Variants in ETFA observed in about 807,000 individuals in gnomAD.
The protein encoded by ETFA is electron transfer flavoprotein subunit alpha, mitochondrial.
A neutral mutation model predicts 46.2 loss-of-function variants in ETFA; 22 were observed. The observed-to-expected ratio is 0.48, with a 90% CI of 0.34 to 0.68. ETFA has a LOEUF of 0.68. Ranked by LOEUF, ETFA falls within the 30% of genes least tolerant of loss-of-function variation. The pLI is 0.01. For synonymous variants in ETFA, 131 were observed against 139.9 expected, an observed-to-expected ratio of 0.94 and a Z score of 0.45; for missense variants, 345 against 401.1, an observed-to-expected ratio of 0.86 and a Z score of 1.19.
chr15:76,292,459 A>T lies in ETFA; in HGVS notation c.323T>A (p.Ile108Asn), dbSNP rs1414148078. 3.1e-6 allele frequency: 5 copies of T among 1,613,646 alleles called. No homozygotes were observed. The highest frequency in any genetic ancestry group is 1.3e-5 in the African/African-American group (1 of 74,924). ...TCCGAAGGCAGATGCTCCAGCACAG[A>T]TGTGTGTGTAATTGAACTGCTTCTG... Reference protein sequence around the residue: ...ATQKQFNYTHICAGASAFGKN... With the variant: ...ATQKQFNYTHNCAGASAFGKN... Residue 108 changes from isoleucine to asparagine, a missense_variant, in exon 4 of 12, where the codon ATC (isoleucine) becomes AAC (asparagine). By Grantham distance (149) the Ile-to-Asn change is moderately radical (BLOSUM62 -3). Coordinates refer to ENST00000557943, the MANE Select transcript of ETFA (RefSeq NM_000126.4).
At chr15:76,267,722 C>T (rs1441955919) in intron 9 of ETFA, among the ~76,000 whole-genome samples, 3 of 152,120 alleles carry the variant, frequency 2.0e-5, no homozygotes, top group African/African-American at 7.2e-5. Flanking sequence ...GCTTTATTAA[C>T]ATTAAAGTTT....
intron 9 of ETFA, among the ~76,000 whole-genome samples, chr15:76,254,572 C>T (rs1352548555): frequency 1.3e-5 from 2 of 152,072 alleles, no homozygotes; most frequent in Non-Finnish European, 2.9e-5. Flanking sequence ...GCCCCAAGAC[C>T]CTTTCAGGGA....
intron 9 of ETFA, among the ~76,000 whole-genome samples, chr15:76,269,191 T>C (rs527915201): frequency 6.6e-6 from 1 of 152,256 alleles, no homozygotes; most frequent in East Asian, 1.9e-4. Flanking sequence ...GAACAAGCAA[T>C]GATAGCTGTG....
chr15:76,216,070 G>A lies in ETFA; in HGVS notation c.*489C>T, dbSNP rs147768164. 102 of 156,798 alleles carry A rather than the reference G, an allele frequency of 6.5e-4. No individual in the cohort carries two copies. Among genetic ancestry groups the A allele is most frequent in the Non-Finnish European group, 1.2e-3 (89 of 71,442 alleles). The allele number at this position is 156,798 out of a possible 1,614,324, so 9.7% of individuals were successfully genotyped here. A position where few individuals can be genotyped will look rare whatever the true frequency, so the allele number is the denominator to read the frequency against. Reference sequence around the variant, plus strand: ...AAGATAATATTCATGCTTTATAGCCGTGCTTTTTTAACTCTGCACTTGCCA... The same window carrying A: ...AAGATAATATTCATGCTTTATAGCCATGCTTTTTTAACTCTGCACTTGCCA... On this transcript the variant is annotated 3_prime_UTR_variant, in exon 12 of 12. Transcript: ENST00000557943.
At chr15:76,249,436 T>TC (rs1555456690) in intron 9 of ETFA, among the ~76,000 whole-genome samples, 20,798 of 45,476 alleles carry the variant, frequency 0.46, 4,374 homozygotes, top group African/African-American at 0.61. Flanking sequence ...TCCATGGTAA[T>TC]TTTTTTTTTT....
chr15:76,302,227 CAGA>C (rs1190457370), intron 1 of ETFA, among the ~76,000 whole-genome samples: 1 of 152,152 alleles, frequency 6.6e-6, no homozygotes, highest in African/African-American at 2.4e-5. Flanking sequence ...ACACAAAAAC[CAGA>C]CGTCTACAGC....
intron 11 of ETFA, among the ~76,000 whole-genome samples, chr15:76,220,229 G>C (rs970207631): frequency 4.6e-5 from 7 of 152,268 alleles, no homozygotes; most frequent in African/African-American, 1.7e-4. Flanking sequence ...ACCATGCCTA[G>C]CTAATTTTTG....
chr15:76,295,014 T>C (rs917195072), intron 2 of ETFA, among the ~76,000 whole-genome samples: 1 of 152,198 alleles, frequency 6.6e-6, no homozygotes, highest in Non-Finnish European at 1.5e-5. Context: ...CTCATCTATA[T>C]TGCAGGCTGG....
chr15:76,261,766 C>T lies in ETFA; in HGVS notation c.816+12646G>A, dbSNP rs186470237. ...GAGGGCTGAATGTGACTTTTTATATCGACAAATGTGTCAACATTTGGAAGA... is the reference window on the plus strand; with the variant it reads ...GAGGGCTGAATGTGACTTTTTATATTGACAAATGTGTCAACATTTGGAAGA... On this transcript the variant is annotated intron_variant, in intron 9 of 11. Coordinates refer to ENST00000557943, the MANE Select transcript of ETFA (RefSeq NM_000126.4). 8.5e-4 allele frequency: 167 copies of T among 196,328 alleles called. 2 individuals are homozygous for T. The highest frequency in any genetic ancestry group is 8.1e-3 in the Middle Eastern group (4 of 496). The allele number at this position is 196,328 out of a possible 1,614,324, so 12.2% of individuals were successfully genotyped here. A position where few individuals can be genotyped will look rare whatever the true frequency, so the allele number is the denominator to read the frequency against.
At chr15:76,222,776 A>C (rs1180347569) in intron 11 of ETFA, among the ~76,000 whole-genome samples, 1 of 152,186 alleles carries the variant, frequency 6.6e-6, no homozygotes, top group Admixed American at 6.5e-5. Context: ...ACATGGTAAC[A>C]AAGAGGAGTC....
At chr15:76,246,372 C>T (rs369627411) in intron 9 of ETFA, among the ~76,000 whole-genome samples, 3 of 152,222 alleles carry the variant, frequency 2.0e-5, no homozygotes, top group Middle Eastern at 3.2e-3. Flanking sequence ...TTCTATGACA[C>T]TGCCTATTGT....
chr15:76,231,036 T>C (rs2039061918), intron 10 of ETFA: 3 of 336,758 alleles, frequency 8.9e-6, no homozygotes, highest in Non-Finnish European at 1.6e-5. Context: ...GTGATCATCA[T>C]TCAATACCCA....
chr15:76,266,870 C>T (rs1156504166), intron 9 of ETFA, among the ~76,000 whole-genome samples: 1 of 151,428 alleles, frequency 6.6e-6, no homozygotes, highest in African/African-American at 2.4e-5. Flanking sequence ...CGCCACTGCA[C>T]TCCAGCCTGG....
At chr15:76,234,367 CAAT>C (rs1226643127) in intron 9 of ETFA, among the ~76,000 whole-genome samples, 1 of 151,924 alleles carries the variant, frequency 6.6e-6, no homozygotes, top group Admixed American at 6.6e-5. Context: ...TTTTGTATTT[CAAT>C]AATAATAATA....
intron 9 of ETFA, among the ~76,000 whole-genome samples, chr15:76,239,803 AG>A (rs2039166680): frequency 6.6e-6 from 1 of 151,582 alleles, no homozygotes; most frequent in Admixed American, 6.6e-5. Flanking sequence ...AAAAAAAAAA[AG>A]TATTGTCAAT....
intron 9 of ETFA, chr15:76,261,574 G>C: frequency 1.8e-6 from 1 of 547,322 alleles, no homozygotes; most frequent in Non-Finnish European, 3.3e-6. Context: ...CTTCAGACCT[G>C]CCTGCAGCTG....
chr15:76,285,495 G>T, intron 7 of ETFA, 142 bp downstream of exon 7: 1 of 627,290 alleles, frequency 1.6e-6, no homozygotes, highest in Non-Finnish European at 2.9e-6. Flanking sequence ...TTTCCTAATT[G>T]GTTAAATGGG....
chr15:76,283,883 A>G, intron 7 of ETFA, 58 bp from the exon 8 acceptor site: 1 of 1,289,508 alleles, frequency 7.8e-7, no homozygotes, highest in Non-Finnish European at 1.1e-6. Context: ...TTCTGGAACA[A>G]TTTTGCTATT....
At chr15:76,290,333 C>CT (rs10682432) in intron 4 of ETFA, among the ~76,000 whole-genome samples, 1,220 of 97,132 alleles carry the variant, frequency 0.013, 58 homozygotes, top group African/African-American at 0.033. Context: ...AGTCGCTACT[C>CT]TTTTTTTTTT....
Sources: gnomAD v4.1 joint callset for allele counts (sites outside exome capture counted in the v4.1 genomes callset) on GRCh38, gnomAD v4.1.1 for gene constraint, MANE v1.5 for transcripts, NCBI Gene and HGNC (gene_info 2026-07-23, HGNC 2026-07-21) for gene names.